ADAMTS16: variants seen among roughly 807,000 people sequenced by gnomAD.
ADAMTS16 encodes ADAM metallopeptidase with thrombospondin type 1 motif 16, also known as A disintegrin and metalloproteinase with thrombospondin motifs 16.
ADAMTS16 carries 94 observed loss-of-function variants against 145.8 expected under a neutral mutation model. The observed-to-expected ratio is 0.64, with a 90% CI of 0.55 to 0.77. The LOEUF is 0.77. Among genes scored for constraint, ADAMTS16 ranks in the 30% least tolerant of loss-of-function variants. The pLI is 0.00. For synonymous variants in ADAMTS16, 659 were observed against 604.3 expected (o/e 1.09, Z -1.33); for missense variants, 1,585 against 1,591.5 (o/e 1.00, Z 0.07).
intron 18 of ADAMTS16, among the ~76,000 whole-genome samples, chr5:5,279,131 G>T (rs551390734): frequency 6.6e-6 from 1 of 152,114 alleles, no homozygotes; most frequent in Non-Finnish European, 1.5e-5. Context: ...TGCCCTCCTT[G>T]TTCCAGCCCA....
At chr5:5,227,944 T>C (rs1175346785) in intron 11 of ADAMTS16, among the ~76,000 whole-genome samples, 1 of 152,164 alleles carries the variant, frequency 6.6e-6, no homozygotes, top group East Asian at 1.9e-4. Context: ...TATACTTCTG[T>C]GGAATGATGA....
chr5:5,253,794 C>T (rs981726915), intron 17 of ADAMTS16, among the ~76,000 whole-genome samples: 3 of 152,320 alleles, frequency 2.0e-5, no homozygotes, highest in African/African-American at 7.2e-5. Context: ...TCCCTGCAGC[C>T]TTCGACAGCT....
At chr5:5,239,647 G>T (rs756278900) in intron 15 of ADAMTS16, 34 bp from the exon 16 acceptor site, 1 of 1,606,072 alleles carries the variant, frequency 6.2e-7, no homozygotes, top group Non-Finnish European at 8.5e-7. Context: ...TTTCTGGAAT[G>T]AAAAGCTGTA....
intron 12 of ADAMTS16, among the ~76,000 whole-genome samples, chr5:5,234,000 A>G (rs1737017843): frequency 1.3e-5 from 2 of 152,140 alleles, no homozygotes; most frequent in Admixed American, 1.3e-4. Context: ...CCTCGCCAGC[A>G]CCTGTTATCT....
intron 17 of ADAMTS16, among the ~76,000 whole-genome samples, chr5:5,255,188 T>G (rs557268800): frequency 3.3e-5 from 5 of 152,322 alleles, no homozygotes; most frequent in African/African-American, 1.2e-4. Flanking sequence ...AAATATTTTC[T>G]TATTCTCATT....
chr5:5,152,673 T>C (rs1242257565), intron 3 of ADAMTS16, among the ~76,000 whole-genome samples: 1 of 152,206 alleles, frequency 6.6e-6, no homozygotes, highest in African/African-American at 2.4e-5. Context: ...GGGGCCAAGG[T>C]AAAGACTTAA....
intron 3 of ADAMTS16, among the ~76,000 whole-genome samples, chr5:5,159,058 G>C (rs1315870761): frequency 6.6e-6 from 1 of 152,206 alleles, no homozygotes; most frequent in East Asian, 1.9e-4. Flanking sequence ...TGTTTGGTTA[G>C]TTAAGATAAA....
intron 8 of ADAMTS16, among the ~76,000 whole-genome samples, chr5:5,195,399 G>A (rs971232221): frequency 3.9e-5 from 6 of 152,188 alleles, no homozygotes; most frequent in African/African-American, 7.2e-5. Context: ...TTTGCTAAGG[G>A]AAGTCATGTC....
At chr5:5,146,519 C>T (rs1418681620) in intron 3 of ADAMTS16, 64 bp downstream of exon 3, 26 of 1,459,112 alleles carry the variant, frequency 1.8e-5, no homozygotes, top group Non-Finnish European at 2.4e-5. Context: ...GAGAGCGTAA[C>T]CAGGACTTTC....
Position 5,262,672 on chromosome 5 carries a change from G to C in ADAMTS16, c.2678G>C (p.Arg893Thr), listed in dbSNP as rs1738073592. 1 of 1,613,978 alleles carries C rather than the reference G, an allele frequency of 6.2e-7. No individual in the cohort carries two copies. Among genetic ancestry groups the C allele is most frequent in the African/African-American group, 1.3e-5 (1 of 74,924 alleles). The change falls in exon 18 of 23, where the codon AGA (arginine) becomes ACA (threonine). Residue 893 changes from arginine (R) to threonine (T), a missense_variant. By Grantham distance (71) the Arg-to-Thr change is moderately conservative (BLOSUM62 -1). Coordinates refer to ENST00000274181, the MANE Select transcript of ADAMTS16 (RefSeq NM_139056.4). ...VSCGGGQMTV[R>T]EGCYRDLKFQ... ...TTGCCTGCAGGACAGATGACCGTGA[G>C]AGAGGGCTGCTACAGAGACCTGAAG... is the stretch of plus-strand genomic sequence containing the variant.
chr5:5,199,628 G>A (rs763819922), intron 8 of ADAMTS16, among the ~76,000 whole-genome samples: 19 of 152,178 alleles, frequency 1.2e-4, no homozygotes, highest in South Asian at 4.1e-4. Flanking sequence ...TGCAGTAGCT[G>A]TTTGTAGTTC....
chr5:5,264,980 C>T (rs1040542089), intron 18 of ADAMTS16, among the ~76,000 whole-genome samples: 1 of 152,202 alleles, frequency 6.6e-6, no homozygotes, highest in African/African-American at 2.4e-5. Flanking sequence ...CCCACCCAGA[C>T]AGGCCTCCAG....
chr5:5,271,138 C>T (rs1305046640), intron 18 of ADAMTS16, among the ~76,000 whole-genome samples: 1 of 152,226 alleles, frequency 6.6e-6, no homozygotes, highest in Non-Finnish European at 1.5e-5. Context: ...GGCTGGAGCC[C>T]CAGCCTCCTC....
chr5:5,150,756 C>T (rs1734430225), intron 3 of ADAMTS16, among the ~76,000 whole-genome samples: 1 of 152,204 alleles, frequency 6.6e-6, no homozygotes, highest in African/African-American at 2.4e-5. Flanking sequence ...GGTCCATAGT[C>T]ATCCGTAGAA....
At chr5:5,244,424 G>A (rs1263903122) in intron 17 of ADAMTS16, among the ~76,000 whole-genome samples, 1 of 152,132 alleles carries the variant, frequency 6.6e-6, no homozygotes, top group African/African-American at 2.4e-5. Context: ...CCTTCGACAG[G>A]GTAAGGGTAG....
At chr5:5,254,510 T>A (rs1021902264) in intron 17 of ADAMTS16, among the ~76,000 whole-genome samples, 5 of 152,192 alleles carry the variant, frequency 3.3e-5, no homozygotes, top group Admixed American at 6.5e-5. Context: ...GATACAGATA[T>A]ACACACATAA....
intron 21 of ADAMTS16, among the ~76,000 whole-genome samples, chr5:5,313,509 C>A (rs939835676): frequency 6.6e-6 from 1 of 152,206 alleles, no homozygotes; most frequent in Non-Finnish European, 1.5e-5. Flanking sequence ...GGCTTGCATG[C>A]GATCACCTGT....
At chr5:5,226,076 CA>C (rs1736757950) in intron 11 of ADAMTS16, among the ~76,000 whole-genome samples, 1 of 152,182 alleles carries the variant, frequency 6.6e-6, no homozygotes, top group African/African-American at 2.4e-5. Flanking sequence ...TATTTAGAAT[CA>C]AAATGGGAGG....
chr5:5,284,894 A>T (rs898269072), intron 18 of ADAMTS16, among the ~76,000 whole-genome samples: 8 of 152,230 alleles, frequency 5.3e-5, no homozygotes, highest in Non-Finnish European at 8.8e-5. Context: ...TCATTTATAG[A>T]CCAAAAATGG....
Sources: allele counts gnomAD v4.1 joint callset (sites outside exome capture counted in the v4.1 genomes callset), GRCh38; gene constraint gnomAD v4.1.1; transcripts MANE v1.5; gene names NCBI Gene and HGNC (gene_info 2026-07-23, HGNC 2026-07-21).